The following NRXN2 variants were observed in gnomAD, a reference collection of about 807,000 sequenced individuals.
NRXN2 encodes the protein neurexin-2-beta.
NRXN2 carries 29 observed loss-of-function variants against 128.8 expected under a neutral mutation model. The ratio of observed to expected loss-of-function variants is 0.23; its 90% CI spans 0.17 to 0.31. NRXN2 has a LOEUF of 0.31. Among genes scored for constraint, NRXN2 ranks in the 10% least tolerant of loss-of-function variants. NRXN2 has a pLI of 1.00. For missense variants in NRXN2, 1,881 were observed against 2,452.6 expected (o/e 0.77, Z 4.92); for synonymous variants, 1,098 against 1,075.2 (o/e 1.02, Z -0.41).
At chr11:64,701,792 C>G (rs996851632) in intron 2 of NRXN2, among the ~76,000 whole-genome samples, 2 of 152,138 alleles carry the variant, frequency 1.3e-5, no homozygotes, top group African/African-American at 2.4e-5. Context: ...ATCAGCCCCC[C>G]GTCCGGCCAG....
chr11:64,698,026 A>G (rs2054801298), intron 2 of NRXN2, among the ~76,000 whole-genome samples: 1 of 152,132 alleles, frequency 6.6e-6, no homozygotes, highest in Non-Finnish European at 1.5e-5. Context: ...GTCAGCCAGT[A>G]CCCATCACAC....
At chr11:64,629,602 C>A (rs1168012772) in intron 19 of NRXN2, among the ~76,000 whole-genome samples, 1 of 152,156 alleles carries the variant, frequency 6.6e-6, no homozygotes, top group Non-Finnish European at 1.5e-5. Context: ...CTCTCCTGTG[C>A]TCCTCAGACC....
Position 64,651,680 on chromosome 11 carries a change from C to T in NRXN2, c.2537-44G>A. 2.5e-6 allele frequency: 4 copies of T among 1,607,964 alleles called. No homozygotes were observed. The highest frequency in any genetic ancestry group is 3.4e-6 in the Non-Finnish European group (4 of 1,177,644). The stretch of plus-strand genomic sequence containing the variant: ...CAAGATGAGGGGGATGGCTTTGGGG[C>T]AGGGCTGGGGCTTGGGTTCCCAGGA... On this transcript the variant is annotated intron_variant, in intron 13 of 22. Transcript: ENST00000265459. The surrounding 1 kb of genome is among the most constrained non-coding windows in gnomAD (Gnocchi z 5.9).
chr11:64,666,630 C>T (rs1378897589), intron 9 of NRXN2, among the ~76,000 whole-genome samples: 4 of 152,014 alleles, frequency 2.6e-5, no homozygotes, highest in Non-Finnish European at 5.9e-5. Flanking sequence ...GTGGCACAAT[C>T]TAGGCTCACT....
chr11:64,658,632 T>C (rs974848172), intron 11 of NRXN2, among the ~76,000 whole-genome samples: 3 of 152,234 alleles, frequency 2.0e-5, no homozygotes, highest in Admixed American at 6.5e-5. Flanking sequence ...GAACATAGTA[T>C]AAATACATTT....
In NRXN2 at chr11:64,648,829, T is replaced by C. The variant is rs747118370; in HGVS notation, c.3188A>G (p.Gln1063Arg). 27 of 1,614,060 alleles carry C rather than the reference T, an allele frequency of 1.7e-5. No individual in the cohort carries two copies. Among genetic ancestry groups the C allele is most frequent in the Middle Eastern group, 1.6e-4 (1 of 6,084 alleles). Residue 1063 changes from glutamine to arginine, a missense_variant, in exon 16 of 23, where the codon CAG becomes CGG. Physicochemically the swap from Gln to Arg is conservative, Grantham distance 43 (BLOSUM62 1). Transcript: ENST00000265459. This position sits in a 1 kb window ranked among gnomAD's most constrained non-coding sequence, Gnocchi z 4.1. The stretch of plus-strand genomic sequence containing the variant: ...GAGGTCCACTGAGGCCAGGCAGCCC[T>C]GAAAGCCATCCCGGGAGGCCACCAG... ...PKLVASRDGF[Q>R]GCLASVDLNG...
chr11:64,619,531 T>C (rs1591526912), intron 22 of NRXN2, among the ~76,000 whole-genome samples: 1 of 151,946 alleles, frequency 6.6e-6, no homozygotes, highest in African/African-American at 2.4e-5. Context: ...CAGCAAGAAG[T>C]ATCAAGCAGA....
intron 2 of NRXN2, among the ~76,000 whole-genome samples, chr11:64,707,365 A>T (rs939166924): frequency 1.5e-4 from 22 of 151,104 alleles, no homozygotes; most frequent in Non-Finnish European, 2.2e-4. Context: ...CCAGCCTTGG[A>T]GACAGCGAGA....
chr11:64,668,625 G>A lies in NRXN2; in HGVS notation c.1198-21C>T, dbSNP rs181354145. ...GTCACCTGTCCAGCCCAGGAGGGAGGGAGAAAGACAGGAGACAACCAACAT... is the reference window on the plus strand; with the variant it reads ...GTCACCTGTCCAGCCCAGGAGGGAGAGAGAAAGACAGGAGACAACCAACAT... On this transcript the variant is annotated intron_variant, in intron 7 of 22. Transcript: ENST00000265459. 3,863 of 1,612,530 alleles carry A rather than the reference G, an allele frequency of 2.4e-3. 7 individuals are homozygous for A. The highest frequency in any genetic ancestry group is 5.8e-3 in the Middle Eastern group (35 of 6,062).
Position 64,651,142 on chromosome 11 carries a change from A to C in NRXN2, c.2918+113T>G. 6.9e-7 allele frequency: 1 copy of C among 1,446,796 alleles called. No individual in the cohort carries two copies. Among genetic ancestry groups the C allele is most frequent in the Middle Eastern group, 2.4e-4 (1 of 4,208 alleles). 89.6% of individuals were successfully genotyped at this position (1,446,796 alleles called of 1,614,324 possible). ...CTTACGGTCGGGGACCTGAATCTTG[A>C]CTTGTGATCTGGGGGGATTGGACAC... On this transcript the variant is annotated intron_variant, in intron 14 of 22. Coordinates refer to ENST00000265459, the MANE Select transcript of NRXN2 (RefSeq NM_015080.4). The surrounding 1 kb of genome is among the most constrained non-coding windows in gnomAD (Gnocchi z 5.9).
intron 6 of NRXN2, among the ~76,000 whole-genome samples, chr11:64,678,596 A>C (rs1215319982): frequency 6.6e-6 from 1 of 152,138 alleles, no homozygotes; most frequent in Non-Finnish European, 1.5e-5. Context: ...TCCAATCTCT[A>C]GTGTCCCCAC....
intron 2 of NRXN2, among the ~76,000 whole-genome samples, chr11:64,702,938 A>G (rs970155855): frequency 6.8e-6 from 1 of 146,710 alleles, no homozygotes; most frequent in Non-Finnish European, 1.5e-5. Context: ...ACAGTGAGCT[A>G]TGATCACACC....
Position 64,651,900 on chromosome 11 carries a change from G to C in NRXN2, c.2536+135C>G. ...CAGATGCCCATAACATTCCACCCCT[G>C]AAGGAGAAATGGCAGAGGCAGCTTG... On this transcript the variant is annotated intron_variant, in intron 13 of 22. Coordinates refer to ENST00000265459, the MANE Select transcript of NRXN2 (RefSeq NM_015080.4). The surrounding 1 kb of genome is among the most constrained non-coding windows in gnomAD (Gnocchi z 5.9). The C allele has an allele frequency of 1.4e-6, 2 of 1,386,490 alleles. No homozygotes were observed. Among genetic ancestry groups the C allele is most frequent in the Non-Finnish European group, 2.0e-6 (2 of 989,588 alleles). The allele number at this position is 1,386,490 out of a possible 1,614,324, so 85.9% of individuals were successfully genotyped here.
intron 19 of NRXN2, among the ~76,000 whole-genome samples, chr11:64,627,504 G>A (rs1221652413): frequency 6.6e-6 from 1 of 151,818 alleles, no homozygotes; most frequent in African/African-American, 2.4e-5. Flanking sequence ...ACCCTGCCAG[G>A]CCCTCAGCCT....
At chr11:64,615,960 G>A (rs1303250405) in intron 22 of NRXN2, among the ~76,000 whole-genome samples, 3 of 152,130 alleles carry the variant, frequency 2.0e-5, no homozygotes, top group Admixed American at 6.5e-5. Flanking sequence ...GTGTGAACCA[G>A]TATGCATGTT....
chr11:64,664,650 T>C, intron 9 of NRXN2, among the ~76,000 whole-genome samples: 1 of 152,176 alleles, frequency 6.6e-6, no homozygotes, highest in African/African-American at 2.4e-5. Flanking sequence ...CTAAGAGAGT[T>C]TTCTCGGAAT....
intron 17 of NRXN2, among the ~76,000 whole-genome samples, chr11:64,637,772 C>T (rs947350238): frequency 5.9e-5 from 9 of 152,086 alleles, no homozygotes; most frequent in Non-Finnish European, 1.2e-4. Context: ...CCAAATCCCC[C>T]AGGTCTAGGA....
intron 1 of NRXN2, among the ~76,000 whole-genome samples, chr11:64,715,354 G>A (rs946500810): frequency 1.3e-5 from 2 of 152,174 alleles, no homozygotes; most frequent in Middle Eastern, 3.2e-3. Context: ...AAGTCTGCTC[G>A]ACTGCAGCAT....
rs11231844 is a variant in NRXN2 at position 64,635,141 on chromosome 11, T to C, written c.3585+130A>G. 4.0e-4 allele frequency: 405 copies of C among 1,015,864 alleles called. 4 individuals carry two copies. In the African/African-American group the frequency reaches 6.1e-3, roughly 15 times the overall value. The allele number at this position is 1,015,864 out of a possible 1,614,324, so 62.9% of individuals were successfully genotyped here. A position where few individuals can be genotyped will look rare whatever the true frequency, so the allele number is the denominator to read the frequency against. On this transcript the variant is annotated intron_variant, in intron 18 of 22. Coordinates refer to ENST00000265459, the MANE Select transcript of NRXN2 (RefSeq NM_015080.4). This position sits in a 1 kb window ranked among gnomAD's most constrained non-coding sequence, Gnocchi z 4.8. ...ACTTCTTAGCAGGAAGCTCCAGCAA[T>C]GAGGGAACAGAGGTTCTGAGGGTTC... is the stretch of plus-strand genomic sequence containing the variant.
Sources: allele counts gnomAD v4.1 joint callset (sites outside exome capture counted in the v4.1 genomes callset), GRCh38; gene constraint gnomAD v4.1.1; non-coding constraint Gnocchi (gnomAD v3.1); transcripts MANE v1.5; gene names NCBI Gene and HGNC (gene_info 2026-07-23, HGNC 2026-07-21).